CEP112: variants seen among roughly 807,000 people sequenced by gnomAD.
The protein encoded by CEP112 is centrosomal protein of 112 kDa.
In CEP112, 127 loss-of-function variants were observed where a neutral mutation model predicts 153.0. The ratio of observed to expected loss-of-function variants is 0.83; its 90% confidence interval spans 0.72 to 0.96. The LOEUF (loss-of-function observed/expected upper bound fraction) is 0.96. CEP112 is among the 40% of genes least tolerant of loss of function. CEP112 has a pLI of 0.00. For missense variants in CEP112, 1,089 were observed against 1,101.2 expected (o/e 0.99, Z 0.16); for synonymous variants, 358 against 374.4 (o/e 0.96, Z 0.51).
intron 16 of CEP112, among the ~76,000 whole-genome samples, chr17:66,016,746 A>AT (rs937355158): frequency 1.5e-4 from 22 of 150,676 alleles, no homozygotes; most frequent in South Asian, 4.2e-4. Flanking sequence ...TTTACTGTTG[A>AT]TTTTTTTTTT....
At position 65,649,738 on chromosome 17, in the gene CEP112, G is replaced by A. The variant is rs77870892; in HGVS notation, c.2698-8673C>T. ...GTCTCAAAAAAAAAAAAAAAAAAGT[G>A]TGCCCAATATTACTTTACAAAGCCC... On this transcript the variant is annotated intron_variant, in intron 24 of 26. Coordinates refer to ENST00000535342, the MANE Select transcript of CEP112 (RefSeq NM_001199165.4). 9.8e-3 allele frequency among the ~76,000 whole-genome samples: 1,431 copies of A among 145,442 alleles called. 31 individuals are homozygous for A. The highest frequency in any genetic ancestry group is 0.035 in the African/African-American group (1,367 of 39,318).
chr17:65,996,053 G>A (rs546580209), intron 17 of CEP112, among the ~76,000 whole-genome samples: 7 of 151,886 alleles, frequency 4.6e-5, no homozygotes, highest in Admixed American at 6.5e-5. Context: ...GCATGAAAAC[G>A]GCCTAATACA....
intron 24 of CEP112, among the ~76,000 whole-genome samples, chr17:65,649,058 A>G (rs908559658): frequency 4.1e-5 from 2 of 48,474 alleles, no homozygotes; most frequent in Non-Finnish European, 7.2e-5. Context: ...CTCAAAACAA[A>G]CAAACAAACA....
intron 8 of CEP112, among the ~76,000 whole-genome samples, chr17:66,070,587 T>A (rs1453288511): frequency 1.3e-5 from 2 of 152,140 alleles, no homozygotes; most frequent in Non-Finnish European, 2.9e-5. Flanking sequence ...TTCCAAGCAT[T>A]CCTTAACTTC....
At chr17:65,823,527 C>CA (rs1300137543) in intron 21 of CEP112, among the ~76,000 whole-genome samples, 5 of 152,020 alleles carry the variant, frequency 3.3e-5, no homozygotes, top group Non-Finnish European at 7.4e-5. Context: ...GACCACAGAC[C>CA]AAAAAGTAAA....
At position 65,829,205 on chromosome 17, in the gene CEP112, T is replaced by C. The variant is rs1029297874; in HGVS notation, c.2394+22599A>G. ...TTATTTAAGCCAACTGCAGTTTTAG[T>C]GGTCATGTACTTTCTATTTATTTTT... is the stretch of plus-strand genomic sequence containing the variant. On this transcript the variant is annotated intron_variant, in intron 21 of 26. Transcript: ENST00000535342. Among the ~76,000 whole-genome samples the C allele has an allele frequency of 1.1e-3, 173 of 152,344 alleles. 1 individual carries two copies. Among genetic ancestry groups the C allele is most frequent in the African/African-American group, 4.0e-3 (165 of 41,570 alleles).
chr17:65,821,537 TA>T (rs375866346), intron 21 of CEP112, among the ~76,000 whole-genome samples: 738 of 35,346 alleles, frequency 0.021, 19 homozygotes, highest in African/African-American at 0.049. Context: ...TATATATATA[TA>T]TATTTTTTTT....
chr17:65,643,346 G>A (rs1337878644), intron 24 of CEP112, among the ~76,000 whole-genome samples: 5 of 152,032 alleles, frequency 3.3e-5, no homozygotes, highest in Non-Finnish European at 5.9e-5. Flanking sequence ...CGCCCAGGCT[G>A]TAGTGCAGTG....
intron 17 of CEP112, among the ~76,000 whole-genome samples, chr17:66,004,672 G>C: frequency 6.6e-6 from 1 of 152,096 alleles, no homozygotes; most frequent in East Asian, 1.9e-4. Flanking sequence ...GCATTAAAAC[G>C]TTCTATTCAG....
intron 24 of CEP112, among the ~76,000 whole-genome samples, chr17:65,655,975 A>G (rs2046042493): frequency 6.6e-6 from 1 of 152,192 alleles, no homozygotes; most frequent in African/African-American, 2.4e-5. Context: ...ATTCAGCAGC[A>G]TTCATTCCAG....
At chr17:65,752,000 ATCTAC>A in intron 21 of CEP112, among the ~76,000 whole-genome samples, 1 of 126,600 alleles carries the variant, frequency 7.9e-6, no homozygotes, top group South Asian at 2.6e-4. Flanking sequence ...CTATCTATCT[ATCTAC>A]TGTTCCTTTC....
At chr17:65,869,027 G>T (rs1243076622) in intron 20 of CEP112, among the ~76,000 whole-genome samples, 2 of 152,178 alleles carry the variant, frequency 1.3e-5, no homozygotes, top group Admixed American at 6.5e-5. Context: ...ACACATTAAG[G>T]GATGCAGGTA....
intron 21 of CEP112, among the ~76,000 whole-genome samples, chr17:65,850,561 G>A (rs1279036479): frequency 6.6e-6 from 1 of 152,134 alleles, no homozygotes; most frequent in African/African-American, 2.4e-5. Context: ...CGTTTTAACT[G>A]TTCTCTCTAC....
At chr17:65,821,663 T>C (rs987580345) in intron 21 of CEP112, among the ~76,000 whole-genome samples, 3 of 145,670 alleles carry the variant, frequency 2.1e-5, no homozygotes, top group Admixed American at 6.9e-5. Context: ...GCAATTCTCC[T>C]CCCTCAGCCT....
intron 4 of CEP112, among the ~76,000 whole-genome samples, chr17:66,158,594 AGAGC>A (rs752709431): frequency 7.7e-4 from 117 of 152,184 alleles, no homozygotes; most frequent in Non-Finnish European, 1.6e-3. Context: ...CCTGGATGAC[AGAGC>A]GAGACTCCAT....
intron 21 of CEP112, among the ~76,000 whole-genome samples, chr17:65,827,742 T>C (rs149589655): frequency 6.6e-6 from 1 of 152,350 alleles, no homozygotes; most frequent in Non-Finnish European, 1.5e-5. Context: ...GTCCACTATG[T>C]TCTCGTCACA....
At position 65,891,477 on chromosome 17, in the gene CEP112, C is replaced by G. The variant is rs143617792; in HGVS notation, c.2163+10675G>C. ...TCTTCCTCGTATTTGACACCACCAT[C>G]TATACAGCTGCTCAAACCAAAACTC... On this transcript the variant is annotated intron_variant, in intron 20 of 26. Coordinates refer to ENST00000535342, the MANE Select transcript of CEP112 (RefSeq NM_001199165.4). 8.0e-3 allele frequency among the ~76,000 whole-genome samples: 1,216 copies of G among 152,244 alleles called. 22 individuals are homozygous for G. The highest frequency in any genetic ancestry group is 0.027 in the African/African-American group (1,139 of 41,538).
intron 9 of CEP112, among the ~76,000 whole-genome samples, chr17:66,069,605 T>G (rs1048615845): frequency 2.0e-5 from 3 of 152,044 alleles, no homozygotes; most frequent in Non-Finnish European, 4.4e-5. Flanking sequence ...TCAACTTTCA[T>G]GAAAGGTAAT....
intron 18 of CEP112, among the ~76,000 whole-genome samples, chr17:65,933,347 T>C (rs1003490758): frequency 6.6e-6 from 1 of 152,068 alleles, no homozygotes; most frequent in Admixed American, 6.6e-5. Flanking sequence ...GAGGTTACAA[T>C]CGAATTCAAC....
Sources: gnomAD v4.1 joint callset for allele counts (sites outside exome capture counted in the v4.1 genomes callset) on GRCh38, gnomAD v4.1.1 for gene constraint, MANE v1.5 for transcripts, NCBI Gene and HGNC (gene_info 2026-07-23, HGNC 2026-07-21) for gene names.